Variants in TCF25 observed in about 807,000 individuals in gnomAD.
The protein encoded by TCF25 is TCF25 ribosome quality control complex subunit, also known as ribosome quality control complex subunit TCF25.
Under a neutral mutation model 83.1 loss-of-function variants are expected in TCF25, and 41 were observed. The ratio of observed to expected loss-of-function variants is 0.49; its 90% CI spans 0.38 to 0.64. TCF25 has a LOEUF of 0.64. TCF25 is among the 30% of genes least tolerant of loss of function. The pLI, the probability that TCF25 is intolerant of heterozygous loss-of-function variation, is 0.00. For synonymous variants in TCF25, 458 were observed against 365.0 expected (o/e 1.25, Z -2.90); for missense variants, 979 against 914.5 (o/e 1.07, Z -0.91).
chr16:89,906,111 G>A, intron 14 of TCF25, 83 bp from the exon 15 acceptor site: 1 of 1,192,372 alleles, frequency 8.4e-7, no homozygotes, highest in Non-Finnish European at 1.2e-6. Flanking sequence ...GTGCTGGGTG[G>A]GGGTGGGGGC....
At chr16:89,881,603 C>T (rs2042613606) in intron 1 of TCF25, among the ~76,000 whole-genome samples, 1 of 152,028 alleles carries the variant, frequency 6.6e-6, no homozygotes, top group Non-Finnish European at 1.5e-5. Context: ...GAGGTGTGTG[C>T]CACCACACCC....
In TCF25 at chr16:89,888,583, C is replaced by A. The variant is rs1173918442; in HGVS notation, c.614+866C>A. Among the ~76,000 whole-genome samples, 18 of 144,888 alleles carry A rather than the reference C, an allele frequency of 1.2e-4. No individual in the cohort carries two copies. The East Asian group carries it at 3.2e-3, about 26-fold the overall frequency. On this transcript the variant is annotated intron_variant, in intron 5 of 17. Coordinates refer to ENST00000263346, the MANE Select transcript of TCF25 (RefSeq NM_014972.3). ...AGCCTGGGCAACGAGAGCGAAACTC[C>A]ATCTCAAAAAAAAAAAAAAGATTCT...
intron 16 of TCF25, chr16:89,908,900 C>G: frequency 3.1e-6 from 4 of 1,281,562 alleles, no homozygotes; most frequent in Non-Finnish European, 4.1e-6. Flanking sequence ...CAGGGACTGG[C>G]TGCCTCTTTC....
At chr16:89,900,590 C>A (rs770058958) in intron 11 of TCF25, 45 bp from the exon 12 acceptor site, 3 of 1,528,954 alleles carry the variant, frequency 2.0e-6, no homozygotes, top group Non-Finnish European at 2.7e-6. Context: ...CATATTTTGT[C>A]TTTATGACTT....
chr16:89,884,874 C>T (rs1480091824), intron 3 of TCF25, among the ~76,000 whole-genome samples: 1 of 93,538 alleles, frequency 1.1e-5, no homozygotes, highest in Non-Finnish European at 2.0e-5. Context: ...CTCCCTCTGC[C>T]TGACGCCCCT....
At chr16:89,878,876 C>T (rs1200063995) in intron 1 of TCF25, among the ~76,000 whole-genome samples, 1 of 152,210 alleles carries the variant, frequency 6.6e-6, no homozygotes, top group Non-Finnish European at 1.5e-5. Context: ...CTCCTGACCT[C>T]GCCATCTGCC....
intron 8 of TCF25, among the ~76,000 whole-genome samples, 168 bp from the exon 9 acceptor site, chr16:89,895,822 G>A (rs1268961892): frequency 6.6e-6 from 1 of 152,224 alleles, no homozygotes; most frequent in Non-Finnish European, 1.5e-5. Context: ...TGAAATAAAT[G>A]CAGCGTGGCA....
chr16:89,904,176 C>A lies in TCF25; in HGVS notation c.1440C>A (p.His480Gln). 6.3e-7 allele frequency: 1 copy of A among 1,596,956 alleles called. No homozygotes were observed. The highest frequency in any genetic ancestry group is 1.3e-5 in the African/African-American group (1 of 74,656). ...GGCCCGACGCCAGCGTTTCCAGTCA[C>A]CGCTTCTTTGGACCCAATGCTGAAA... ...SVRPDASVSS[H>Q]RFFGPNAEIS... is the part of the protein sequence containing the mutation. The change falls in exon 13 of 18, where the codon CAC (histidine) becomes CAA (glutamine). Residue 480 changes from histidine (H) to glutamine (Q), a missense_variant. By Grantham distance (24) the His-to-Gln change is conservative. Coordinates refer to ENST00000263346, the MANE Select transcript of TCF25 (RefSeq NM_014972.3).
intron 7 of TCF25, 181 bp from the exon 8 acceptor site, chr16:89,894,857 C>T: frequency 2.0e-6 from 1 of 493,420 alleles, no homozygotes; most frequent in Non-Finnish European, 3.7e-6. Flanking sequence ...GTTGGCCAGG[C>T]TGGTCTTGAA....
rs758593045 is a variant in TCF25 at position 89,904,069 on chromosome 16, G to A, written c.1382-49G>A. ...CTTACTGCCTTGGGGGCTAGGAGTG[G>A]CTGGGGTGTGTGCTGAGGGCCCCCA... On this transcript the variant is annotated intron_variant, in intron 12 of 17. Transcript: ENST00000263346. 2.6e-6 allele frequency: 4 copies of A among 1,564,486 alleles called. No homozygotes were observed. The South Asian group carries it at 4.6e-5, about 18-fold the overall frequency.
chr16:89,905,076 C>T lies in TCF25; in HGVS notation c.1608C>T (p.Ala536=), dbSNP rs774662833. 191 of 1,599,742 alleles carry T rather than the reference C, an allele frequency of 1.2e-4. No individual in the cohort carries two copies. Among genetic ancestry groups the T allele is most frequent in the Middle Eastern group, 1.7e-4 (1 of 6,052 alleles). ...VLQAVDAGDP[A]VEACENRRKV... is the part of the protein sequence containing the mutation. Reference sequence around the variant, plus strand: ...AAGCAGTGGACGCCGGGGACCCAGCCGTGGAAGCCTGTGAGAACCGGTGAG... The same window carrying T: ...AAGCAGTGGACGCCGGGGACCCAGCTGTGGAAGCCTGTGAGAACCGGTGAG... Residue 536 remains alanine (A), a synonymous_variant, in exon 14 of 18, where the codon GCC becomes GCT. Transcript: ENST00000263346.
chr16:89,876,241 T>G (rs1410013007), intron 1 of TCF25, among the ~76,000 whole-genome samples: 2 of 152,170 alleles, frequency 1.3e-5, no homozygotes, highest in African/African-American at 4.8e-5. Flanking sequence ...ACATCAGTCT[T>G]AATTTAAGCA....
rs755322404 is a variant in TCF25, at chr16:89,907,291, G to A, written c.1768G>A (p.Asp590Asn). 1.2e-6 allele frequency: 2 copies of A among 1,608,318 alleles called. No homozygotes were observed. Among genetic ancestry groups the A allele is most frequent in the Middle Eastern group, 1.7e-4 (1 of 6,030 alleles). Residue 590 changes from aspartate (D) to asparagine (N), a missense_variant, in exon 16 of 18, where the codon GAC becomes AAC. By Grantham distance (23) the Asp-to-Asn change is conservative. Coordinates refer to ENST00000263346, the MANE Select transcript of TCF25 (RefSeq NM_014972.3). ...VMGFDPLPPSDTIYSYVRPER... is the reference protein window; with the variant it reads ...VMGFDPLPPSNTIYSYVRPER... Reference sequence around the variant, plus strand: ...GGGGTTTGATCCTCTGCCTCCTTCGGACACAATCTACTCCTACGTCAGGCC... The same window carrying A: ...GGGGTTTGATCCTCTGCCTCCTTCGAACACAATCTACTCCTACGTCAGGCC...
At chr16:89,883,210 C>G in intron 1 of TCF25, 141 bp from the exon 2 acceptor site, 2 of 1,144,560 alleles carry the variant, frequency 1.7e-6, no homozygotes, top group Non-Finnish European at 2.4e-6. Context: ...GTCTCGGGTT[C>G]TTGCATCTTT....
intron 1 of TCF25, 125 bp downstream of exon 1, chr16:89,873,984 A>G (rs2041953898): frequency 1.8e-6 from 2 of 1,100,430 alleles, no homozygotes; most frequent in South Asian, 1.8e-5. Context: ...CGTGGGTCCC[A>G]GCCGCAGTGG....
chr16:89,889,313 G>C (rs1041706424), intron 5 of TCF25: 15 of 316,120 alleles, frequency 4.7e-5, no homozygotes, highest in African/African-American at 3.2e-4. Flanking sequence ...AAATAGCTGG[G>C]ACTACCGGCA....
intron 1 of TCF25, among the ~76,000 whole-genome samples, chr16:89,878,078 G>T (rs1457367160): frequency 6.6e-6 from 1 of 152,126 alleles, no homozygotes; most frequent in Non-Finnish European, 1.5e-5. Flanking sequence ...AGGTGTGTGA[G>T]ACCAGCCTGG....
intron 1 of TCF25, among the ~76,000 whole-genome samples, chr16:89,877,421 T>G (rs1048283654): frequency 5.9e-5 from 9 of 152,176 alleles, no homozygotes; most frequent in African/African-American, 2.2e-4. Context: ...AGATGTGAGC[T>G]ACCATGCCTG....
intron 11 of TCF25, 145 bp from the exon 12 acceptor site, chr16:89,900,490 G>T: frequency 3.5e-6 from 3 of 857,394 alleles, no homozygotes; most frequent in Non-Finnish European, 5.0e-6. Flanking sequence ...TTATCTTTAT[G>T]CTGAGTTAGG....
Sources: allele counts gnomAD v4.1 joint callset (sites outside exome capture counted in the v4.1 genomes callset), GRCh38; gene constraint gnomAD v4.1.1; transcripts MANE v1.5; gene names NCBI Gene and HGNC (gene_info 2026-07-23, HGNC 2026-07-21).